Variants in CSTF3 observed in about 807,000 individuals in gnomAD.
CSTF3 encodes CF-1 77 kDa subunit.
CSTF3 carries 29 observed loss-of-function variants against 105.8 expected under a neutral mutation model. The observed-to-expected ratio is 0.27, with a 90% confidence interval of 0.20 to 0.37. The LOEUF (loss-of-function observed/expected upper bound fraction) is 0.37. Ranked by LOEUF, CSTF3 falls within the 10% of genes least tolerant of loss-of-function variation. CSTF3 has a pLI of 1.00. For synonymous variants in CSTF3, 252 were observed against 281.9 expected, an observed-to-expected ratio of 0.89 and a Z score of 1.06; for missense variants, 357 against 879.3, an observed-to-expected ratio of 0.41 and a Z score of 7.51.
intron 3 of CSTF3, among the ~76,000 whole-genome samples, chr11:33,118,133 T>A (rs1176409105): frequency 6.6e-6 from 1 of 151,712 alleles, no homozygotes; most frequent in African/African-American, 2.4e-5. Flanking sequence ...TTTTGAACGG[T>A]AAGTTTCTCT....
At chr11:33,107,524 A>G (rs1192546205) in intron 5 of CSTF3, among the ~76,000 whole-genome samples, 1 of 152,176 alleles carries the variant, frequency 6.6e-6, no homozygotes, top group African/African-American at 2.4e-5. Context: ...GAGATCCCTT[A>G]TATCACTACA....
At chr11:33,111,755 T>C (rs77024572) in intron 3 of CSTF3, among the ~76,000 whole-genome samples, 2,086 of 152,310 alleles carry the variant, frequency 0.014, 26 homozygotes, top group Non-Finnish European at 0.022. Flanking sequence ...AAATTGGTAT[T>C]AGCCCAATAA....
At chr11:33,139,433 T>C (rs927166844) in intron 3 of CSTF3, among the ~76,000 whole-genome samples, 4 of 151,998 alleles carry the variant, frequency 2.6e-5, no homozygotes, top group African/African-American at 7.2e-5. Flanking sequence ...AACATTCTTA[T>C]TATCACTTCG....
At position 33,141,707 on chromosome 11, in the gene CSTF3, G is replaced by A. The variant is rs750862039; in HGVS notation, c.185C>T (p.Pro62Leu). 1 of 1,612,066 alleles carries A rather than the reference G, an allele frequency of 6.2e-7. No individual in the cohort carries two copies. Among genetic ancestry groups the A allele is most frequent in the East Asian group, 2.2e-5 (1 of 44,856 alleles). ...KTYERLVAQF[P>L]SSGRFWKLYI... ...CAGTTTCCAGAATCTGCCAGAACTG[G>A]GGAACTGGGCAACAAGGCGTTCATA... Residue 62 changes from proline to leucine, a missense_variant, in exon 3 of 21, where the codon CCC (proline) becomes CTC (leucine). By Grantham distance (98) the Pro-to-Leu change is moderately conservative. Around this residue, in one of 4 missense-constraint regions of CSTF3, gnomAD observed 78 missense variants for 180.4 expected, o/e 0.43. Transcript: ENST00000323959.
chr11:33,086,899 G>T, intron 18 of CSTF3, 89 bp downstream of exon 18: 1 of 1,414,638 alleles, frequency 7.1e-7, no homozygotes, highest in Non-Finnish European at 1.0e-6. Flanking sequence ...ACCCACAATT[G>T]AGAGGCCATG....
At chr11:33,103,438 T>C (rs779081403) in intron 8 of CSTF3, among the ~76,000 whole-genome samples, 2 of 152,118 alleles carry the variant, frequency 1.3e-5, no homozygotes, top group African/African-American at 4.8e-5. Flanking sequence ...CTTTTAAAGA[T>C]AGAATCATTT....
chr11:33,127,619 C>T (rs376722598), intron 3 of CSTF3, among the ~76,000 whole-genome samples: 3 of 152,152 alleles, frequency 2.0e-5, no homozygotes, highest in South Asian at 4.2e-4. Flanking sequence ...GATCTGCCAA[C>T]GTTTTTGAGT....
intron 3 of CSTF3, among the ~76,000 whole-genome samples, chr11:33,109,630 A>T (rs1855360457): frequency 1.3e-5 from 2 of 152,142 alleles, no homozygotes; most frequent in East Asian, 3.8e-4. Flanking sequence ...TATTCTGAGG[A>T]CTCAATGAGT....
At chr11:33,088,711 C>T (rs1855134269) in intron 17 of CSTF3, among the ~76,000 whole-genome samples, 1 of 151,960 alleles carries the variant, frequency 6.6e-6, no homozygotes, top group Non-Finnish European at 1.5e-5. Context: ...AGCTTCCCTC[C>T]TGGGCTCACC....
At chr11:33,155,931 C>T (rs1401224902) in intron 1 of CSTF3, among the ~76,000 whole-genome samples, 3 of 152,066 alleles carry the variant, frequency 2.0e-5, no homozygotes, top group Non-Finnish European at 4.4e-5. Context: ...CACCCAAATA[C>T]AGATTTTGCC....
intron 1 of CSTF3, 108 bp downstream of exon 1, chr11:33,161,191 C>T: frequency 8.3e-7 from 1 of 1,210,704 alleles, no homozygotes; most frequent in Non-Finnish European, 1.2e-6. Context: ...CCCTGTCCCC[C>T]GGGTTCACTA....
intron 13 of CSTF3, among the ~76,000 whole-genome samples, chr11:33,097,589 A>G (rs1855237442): frequency 6.6e-6 from 1 of 152,084 alleles, no homozygotes; most frequent in Non-Finnish European, 1.5e-5. Context: ...GGCTGGTCTC[A>G]ATCTCCTGAC....
intron 13 of CSTF3, among the ~76,000 whole-genome samples, 193 bp from the exon 14 acceptor site, chr11:33,097,171 A>G (rs1295766176): frequency 6.6e-6 from 1 of 152,264 alleles, no homozygotes; most frequent in Non-Finnish European, 1.5e-5. Context: ...CATAATTCAC[A>G]TAGCACAAAA....
intron 3 of CSTF3, among the ~76,000 whole-genome samples, chr11:33,126,060 G>C (rs1029717955): frequency 1.3e-5 from 2 of 151,784 alleles, no homozygotes; most frequent in African/African-American, 4.8e-5. Flanking sequence ...AAAAAGATTA[G>C]AAAAAAAATG....
intron 3 of CSTF3, among the ~76,000 whole-genome samples, chr11:33,122,667 CA>C (rs1290389004): frequency 1.3e-5 from 2 of 152,004 alleles, no homozygotes; most frequent in African/African-American, 4.8e-5. Context: ...GTAATCCTAG[CA>C]CTTTGAGAGG....
chr11:33,129,616 G>A (rs1221094917), intron 3 of CSTF3, among the ~76,000 whole-genome samples: 2 of 152,074 alleles, frequency 1.3e-5, no homozygotes, highest in Non-Finnish European at 2.9e-5. Context: ...CTACTAAAAG[G>A]CCACAATTTT....
In CSTF3 at chr11:33,151,433, G is replaced by GC. The variant is rs558302986; in HGVS notation, c.28-9448dup. Among the ~76,000 whole-genome samples the GC allele has an allele frequency of 1.2e-3, 186 of 152,130 alleles. 1 individual carries two copies. Among genetic ancestry groups the GC allele is most frequent in the African/African-American group, 4.3e-3 (178 of 41,514 alleles). On this transcript the variant is annotated intron_variant, in intron 1 of 20. Transcript: ENST00000323959. ...ACTCCTGGGCTCAAGCAATCCACCT[G>GC]CCTCGGCCTCTCAAAGTGTTGGGAT...
At chr11:33,150,447 C>T (rs1485028222) in intron 1 of CSTF3, among the ~76,000 whole-genome samples, 1 of 151,886 alleles carries the variant, frequency 6.6e-6, no homozygotes, top group Non-Finnish European at 1.5e-5. Flanking sequence ...AGGCAGGGAC[C>T]CCAAATCAAA....
In CSTF3 at chr11:33,161,378, GA is replaced by G. The variant is rs1463684336; in HGVS notation, c.-54del. 1 of 1,604,696 alleles carries G rather than the reference GA, an allele frequency of 6.2e-7. No homozygotes were observed. Among genetic ancestry groups the G allele is most frequent in the African/African-American group, 1.3e-5 (1 of 74,830 alleles). On this transcript the variant is annotated 5_prime_UTR_variant, in exon 1 of 21. Transcript: ENST00000323959. ...TGACCGTCGATGGGAAGCTAGAAAA[GA>G]AAAATTAAACTAAAAACCACCCCCA...
Sources: allele counts gnomAD v4.1 joint callset (sites outside exome capture counted in the v4.1 genomes callset), GRCh38; gene constraint gnomAD v4.1.1; regional missense constraint gnomAD v4.1.1; transcripts MANE v1.5; gene names NCBI Gene and HGNC (gene_info 2026-07-23, HGNC 2026-07-21).